GULP1: variants seen among roughly 807,000 people sequenced by gnomAD.
The protein encoded by GULP1 is GULP PTB domain containing engulfment adaptor 1.
In GULP1, 19 loss-of-function variants were observed where a neutral mutation model predicts 40.9. That is an observed-to-expected ratio of 0.46 (90% CI 0.32 to 0.68). The LOEUF (loss-of-function observed/expected upper bound fraction) is 0.68, where lower values mean the gene tolerates loss of function less well. GULP1 is among the 30% of genes least tolerant of loss of function. GULP1 has a pLI of 0.03. For synonymous variants in GULP1, 119 were observed against 117.6 expected, an observed-to-expected ratio of 1.01 and a Z score of -0.08; for missense variants, 312 against 362.2, an observed-to-expected ratio of 0.86 and a Z score of 1.12.
chr2:188,471,317 T>TA (rs1477331619), intron 2 of GULP1, among the ~76,000 whole-genome samples: 3 of 152,028 alleles, frequency 2.0e-5, no homozygotes, highest in Non-Finnish European at 4.4e-5. Context: ...CCACCTTGTT[T>TA]AGTTAGTCTA....
At chr2:188,430,343 T>G (rs2056719948) in intron 2 of GULP1, among the ~76,000 whole-genome samples, 1 of 152,214 alleles carries the variant, frequency 6.6e-6, no homozygotes, top group South Asian at 2.1e-4. Flanking sequence ...CTTTGTTTCT[T>G]AAGCTAGTTA....
chr2:188,537,855 A>G (rs980265166), intron 6 of GULP1, among the ~76,000 whole-genome samples: 1 of 152,010 alleles, frequency 6.6e-6, no homozygotes, highest in Non-Finnish European at 1.5e-5. Flanking sequence ...TACTGATTCA[A>G]TTTCAGAACT....
intron 2 of GULP1, among the ~76,000 whole-genome samples, chr2:188,413,020 G>C (rs780410157): frequency 7.9e-5 from 12 of 152,098 alleles, no homozygotes; most frequent in Non-Finnish European, 1.6e-4. Context: ...AGAGGATTAA[G>C]TGATTTGTCC....
At chr2:188,411,654 A>G (rs995838894) in intron 2 of GULP1, among the ~76,000 whole-genome samples, 1 of 152,208 alleles carries the variant, frequency 6.6e-6, no homozygotes, top group Non-Finnish European at 1.5e-5. Flanking sequence ...TTTCATCCAC[A>G]TACCTCTTCC....
intron 5 of GULP1, among the ~76,000 whole-genome samples, chr2:188,527,142 C>A (rs1686375675): frequency 6.6e-6 from 1 of 152,006 alleles, no homozygotes; most frequent in Admixed American, 6.6e-5. Context: ...TTAATTCTTC[C>A]ATTCTTTCTT....
At position 188,477,024 on chromosome 2, in the gene GULP1, G is replaced by C. The variant is rs1036215718; in HGVS notation, c.-44-635G>C. On this transcript the variant is annotated intron_variant, in intron 2 of 11. Transcript: ENST00000409830. ...TAACCCTCATAGTGAATACACTACAGAACAGGTATTAAGAGGACCTCTTGG... is the reference window on the plus strand; with the variant it reads ...TAACCCTCATAGTGAATACACTACACAACAGGTATTAAGAGGACCTCTTGG... Among the ~76,000 whole-genome samples the C allele has an allele frequency of 3.3e-5, 5 of 152,068 alleles. No homozygotes were observed. In the South Asian group the frequency reaches 6.2e-4, roughly 19 times the overall value.
chr2:188,298,414 A>AT (rs2035453109), intron 1 of GULP1, among the ~76,000 whole-genome samples: 1 of 152,016 alleles, frequency 6.6e-6, no homozygotes, highest in South Asian at 2.1e-4. Context: ...GTTTGAGAGA[A>AT]TTTTTAAGGA....
At chr2:188,359,579 G>A (rs1345226310) in intron 1 of GULP1, among the ~76,000 whole-genome samples, 3 of 152,112 alleles carry the variant, frequency 2.0e-5, no homozygotes, top group Non-Finnish European at 4.4e-5. Flanking sequence ...GATCAAGTTA[G>A]TCTCATGGGA....
At chr2:188,583,425 A>G (rs1017994447) in intron 9 of GULP1, among the ~76,000 whole-genome samples, 1 of 152,210 alleles carries the variant, frequency 6.6e-6, no homozygotes, top group Non-Finnish European at 1.5e-5. Flanking sequence ...TATTCCCCCA[A>G]AATGGAAATT....
At chr2:188,562,795 G>A (rs1227811488) in intron 7 of GULP1, among the ~76,000 whole-genome samples, 1 of 152,114 alleles carries the variant, frequency 6.6e-6, no homozygotes, top group East Asian at 1.9e-4. Context: ...GCCATAATGG[G>A]AGACTCAATA....
Position 188,291,966 on chromosome 2 carries a change from A to AG in GULP1, c.-366dup, listed in dbSNP as rs1413842548. ...ATTCGGCGGATTAGGAAGAGGAGGG[A>AG]GGGGGGAGAGAGCGCGAAGAGGGAG... On this transcript the variant is annotated 5_prime_UTR_variant, in exon 1 of 12. Transcript: ENST00000409830. 2 of 151,352 alleles carry AG rather than the reference A, an allele frequency of 1.3e-5. No individual in the cohort carries two copies. The highest frequency in any genetic ancestry group is 4.9e-5 in the African/African-American group (2 of 40,688). 9.4% of individuals were successfully genotyped at this position (151,352 alleles called of 1,614,324 possible).
In GULP1 at chr2:188,524,607, TTTTTTTTGC is replaced by T. The variant is rs1685677083; in HGVS notation, c.162+1789_162+1797del. Among the ~76,000 whole-genome samples, 3 of 150,748 alleles carry T rather than the reference TTTTTTTTGC, an allele frequency of 2.0e-5. No homozygotes were observed. The South Asian group carries it at 6.2e-4, about 31-fold the overall frequency. On this transcript the variant is annotated intron_variant, in intron 5 of 11. Transcript: ENST00000409830. ...TTATCTATTTTTATATATATATATT[TTTTTTTTGC>T]TTTTTTTGTGTGTCAAGGGTCAGAA...
intron 4 of GULP1, among the ~76,000 whole-genome samples, chr2:188,502,113 G>T (rs1000989155): frequency 6.6e-6 from 1 of 151,854 alleles, no homozygotes; most frequent in Non-Finnish European, 1.5e-5. Context: ...TAGTAGATAG[G>T]TATATCCCTA....
intron 4 of GULP1, among the ~76,000 whole-genome samples, chr2:188,507,764 C>T (rs2064083036): frequency 6.6e-6 from 1 of 151,764 alleles, no homozygotes; most frequent in African/African-American, 2.4e-5. Context: ...CATTAATTAC[C>T]ATTCCTATGT....
intron 1 of GULP1, among the ~76,000 whole-genome samples, chr2:188,367,013 A>G (rs2046892187): frequency 6.6e-6 from 1 of 152,156 alleles, no homozygotes; most frequent in South Asian, 2.1e-4. Context: ...AGAAGTGCAC[A>G]TATTTTTATT....
chr2:188,511,149 A>G (rs952990089), intron 4 of GULP1, among the ~76,000 whole-genome samples: 1 of 152,192 alleles, frequency 6.6e-6, no homozygotes, highest in Non-Finnish European at 1.5e-5. Flanking sequence ...CAGTATTCGG[A>G]AACTCATTTT....
intron 1 of GULP1, among the ~76,000 whole-genome samples, chr2:188,366,257 C>T (rs914780527): frequency 3.3e-5 from 5 of 151,940 alleles, no homozygotes; most frequent in Admixed American, 6.6e-5. Context: ...CCCCCAAACA[C>T]CCCATAAAAA....
At chr2:188,552,885 A>T (rs1252366838) in intron 7 of GULP1, among the ~76,000 whole-genome samples, 2 of 150,338 alleles carry the variant, frequency 1.3e-5, no homozygotes, top group East Asian at 3.9e-4. Context: ...ATATATGTAT[A>T]TACATATATG....
chr2:188,568,653 A>T (rs995672839), intron 7 of GULP1, among the ~76,000 whole-genome samples: 18 of 152,172 alleles, frequency 1.2e-4, no homozygotes, highest in African/African-American at 4.1e-4. Context: ...CATACATAAG[A>T]TCTGACAGTT....
Sources: allele counts gnomAD v4.1 joint callset (sites outside exome capture counted in the v4.1 genomes callset), GRCh38; gene constraint gnomAD v4.1.1; transcripts MANE v1.5; gene names NCBI Gene and HGNC (gene_info 2026-07-23, HGNC 2026-07-21).